Variants in RC3H1 observed in about 807,000 individuals in gnomAD.
The protein encoded by RC3H1 is ring finger and CCCH-type domains 1, also known as roquin-1.
RC3H1 carries 50 observed loss-of-function variants against 138.2 expected under a neutral mutation model. The ratio of observed to expected loss-of-function variants is 0.36; its 90% CI spans 0.29 to 0.46. RC3H1 has a LOEUF of 0.46. Ranked by LOEUF, RC3H1 falls within the 20% of genes least tolerant of loss-of-function variation. The pLI, the probability that RC3H1 is intolerant of heterozygous loss-of-function variation, is 1.00. For synonymous variants in RC3H1, 462 were observed against 489.1 expected, an observed-to-expected ratio of 0.94 and a Z score of 0.73; for missense variants, 1,031 against 1,388.1, an observed-to-expected ratio of 0.74 and a Z score of 4.09.
intron 1 of RC3H1, among the ~76,000 whole-genome samples, chr1:173,999,360 A>G (rs550659258): frequency 1.4e-5 from 2 of 147,184 alleles, no homozygotes; most frequent in African/African-American, 5.1e-5. Flanking sequence ...AGCCTGGGCA[A>G]TGAGAGCAAA....
At chr1:173,951,080 T>C (rs750496358) in intron 14 of RC3H1, among the ~76,000 whole-genome samples, 118 of 152,068 alleles carry the variant, frequency 7.8e-4, no homozygotes, top group Non-Finnish European at 1.5e-3. Context: ...ATCCCAGCAC[T>C]TTGGAAGGCC....
chr1:173,978,689 CA>C, intron 6 of RC3H1, 69 bp from the exon 7 acceptor site: 4 of 1,447,332 alleles, frequency 2.8e-6, no homozygotes, highest in Non-Finnish European at 3.7e-6. Context: ...TTATTTATAT[CA>C]CAATCATTTT....
chr1:173,999,398 A>G (rs1436290844), intron 1 of RC3H1, among the ~76,000 whole-genome samples: 1 of 147,350 alleles, frequency 6.8e-6, no homozygotes, highest in Admixed American at 6.7e-5. Flanking sequence ...AAAAAGAGAG[A>G]GAGAGAAAGA....
At chr1:173,945,227 T>C (rs1347426969) in intron 17 of RC3H1, among the ~76,000 whole-genome samples, 1 of 150,920 alleles carries the variant, frequency 6.6e-6, no homozygotes, top group East Asian at 2.0e-4. Flanking sequence ...TGGGCTCAGG[T>C]GATCCTCCTG....
chr1:173,997,247 T>G (rs1399731213), intron 1 of RC3H1, among the ~76,000 whole-genome samples: 1 of 152,032 alleles, frequency 6.6e-6, no homozygotes, highest in Admixed American at 6.6e-5. Flanking sequence ...CAAAAAAACT[T>G]AATGGCAGTT....
chr1:173,939,400 G>C (rs61828895), intron 19 of RC3H1, among the ~76,000 whole-genome samples: 14,103 of 151,670 alleles, frequency 0.093, 877 homozygotes, highest in East Asian at 0.22. Flanking sequence ...TAGCCTGGTG[G>C]TGTGTGCCTG....
intron 2 of RC3H1, among the ~76,000 whole-genome samples, chr1:173,987,843 A>G (rs1661095363): frequency 6.6e-6 from 1 of 152,058 alleles, no homozygotes; most frequent in Admixed American, 6.5e-5. Flanking sequence ...GATGCCTCCA[A>G]CTCCAATCCA....
chr1:174,001,696 A>G (rs1661567763), intron 1 of RC3H1, among the ~76,000 whole-genome samples: 1 of 152,182 alleles, frequency 6.6e-6, no homozygotes, highest in African/African-American at 2.4e-5. Context: ...CCCAAAGTGC[A>G]GGGATTATAT....
Position 174,022,104 on chromosome 1 carries a change from T to C in RC3H1, c.-159A>G, listed in dbSNP as rs1458632923. On this transcript the variant is annotated 5_prime_UTR_variant, in exon 1 of 20. Transcript: ENST00000367696. This position sits in a 1 kb window ranked among gnomAD's most constrained non-coding sequence, Gnocchi z 4.2. The stretch of plus-strand genomic sequence containing the variant: ...GCCCGCCGCTCGCTCACCGCGCTGG[T>C]CCGAGCAGCAGCTCCTCTCAGCTCC... 3 of 398,190 alleles carry C rather than the reference T, an allele frequency of 7.5e-6. No individual in the cohort carries two copies. Among genetic ancestry groups the C allele is most frequent in the African/African-American group, 2.1e-5 (1 of 48,340 alleles). The allele number at this position is 398,190 out of a possible 1,614,324, so 24.7% of individuals were successfully genotyped here.
At chr1:173,943,040 C>T (rs747731111) in intron 18 of RC3H1, among the ~76,000 whole-genome samples, 2 of 152,060 alleles carry the variant, frequency 1.3e-5, no homozygotes, top group Non-Finnish European at 2.9e-5. Flanking sequence ...AAAAATAGGT[C>T]ATCATTATAA....
chr1:173,994,022 G>GA (rs372280833), intron 1 of RC3H1, among the ~76,000 whole-genome samples: 1,907 of 46,904 alleles, frequency 0.041, 77 homozygotes, highest in Non-Finnish European at 0.06. Context: ...CTCCATCTCA[G>GA]AAAAAAAAAA....
chr1:174,021,632 G>A lies in RC3H1; in HGVS notation c.-151+464C>T, dbSNP rs998790957. Among the ~76,000 whole-genome samples, 43 of 152,168 alleles carry A rather than the reference G, an allele frequency of 2.8e-4. 1 individual carries two copies. Among genetic ancestry groups the A allele is most frequent in the East Asian group, 1.9e-4 (1 of 5,188 alleles). The stretch of plus-strand genomic sequence containing the variant: ...GCCAAAGAAGGGGAGCGCTTCAGGG[G>A]CTGGGGGAGGAAGCAGCCCTGAGGT... On this transcript the variant is annotated intron_variant, in intron 1 of 19. Coordinates refer to ENST00000367696, the MANE Select transcript of RC3H1 (RefSeq NM_172071.4).
intron 1 of RC3H1, among the ~76,000 whole-genome samples, chr1:174,021,319 T>C (rs187462586): frequency 3.2e-3 from 483 of 152,272 alleles, no homozygotes; most frequent in Non-Finnish European, 4.5e-3. Flanking sequence ...AAGAGTTGTG[T>C]TATTACTGTT....
intron 11 of RC3H1, 43 bp downstream of exon 11, chr1:173,963,930 T>C (rs368072510): frequency 3.6e-4 from 542 of 1,515,516 alleles, no homozygotes; most frequent in Non-Finnish European, 4.8e-4. Flanking sequence ...ACAGTTCTGA[T>C]AATTCCTAAG....
At chr1:173,991,161 C>G (rs1661272482) in intron 2 of RC3H1, among the ~76,000 whole-genome samples, 1 of 152,112 alleles carries the variant, frequency 6.6e-6, no homozygotes, top group African/African-American at 2.4e-5. Context: ...ACTTGAGAGG[C>G]AGAGATTGCA....
chr1:173,990,813 G>A (rs865874217), intron 2 of RC3H1, among the ~76,000 whole-genome samples: 8 of 151,630 alleles, frequency 5.3e-5, no homozygotes, highest in East Asian at 3.9e-4. Context: ...TGTGTTAGCC[G>A]GGATGGTCTT....
At chr1:174,016,718 T>C (rs1661869639) in intron 1 of RC3H1, among the ~76,000 whole-genome samples, 1 of 152,048 alleles carries the variant, frequency 6.6e-6, no homozygotes, top group African/African-American at 2.4e-5. Context: ...TTGTTTCTCA[T>C]AAATTTTAAG....
At chr1:173,983,820 G>A (rs544905842) in intron 3 of RC3H1, among the ~76,000 whole-genome samples, 163 bp from the exon 4 acceptor site, 15 of 152,212 alleles carry the variant, frequency 9.9e-5, no homozygotes, top group Non-Finnish European at 2.1e-4. Context: ...GCTTACTTAA[G>A]TATACATTTT....
At chr1:174,015,671 T>TA (rs1661849267) in intron 1 of RC3H1, among the ~76,000 whole-genome samples, 4 of 102,988 alleles carry the variant, frequency 3.9e-5, no homozygotes, top group Admixed American at 1.7e-4. Context: ...GGCCTCATAT[T>TA]TTATATATAT....
Sources: gnomAD v4.1 joint callset for allele counts (sites outside exome capture counted in the v4.1 genomes callset) on GRCh38, gnomAD v4.1.1 for gene constraint, Gnocchi (gnomAD v3.1) non-coding constraint, MANE v1.5 for transcripts, NCBI Gene and HGNC (gene_info 2026-07-23, HGNC 2026-07-21) for gene names.